Variants in NCKAP5 observed in about 807,000 individuals in gnomAD.
NCKAP5 encodes NCK associated protein 5.
In NCKAP5, 92 loss-of-function variants were observed where a neutral mutation model predicts 167.0. That is an observed-to-expected ratio of 0.55 (90% CI 0.47 to 0.66). The LOEUF is 0.66. Ranked by LOEUF, NCKAP5 falls within the 30% of genes least tolerant of loss-of-function variation. NCKAP5 has a pLI of 0.00. For missense variants in NCKAP5, 2,378 were observed against 2,315.0 expected (o/e 1.03, Z -0.56); for synonymous variants, 891 against 877.4 (o/e 1.02, Z -0.27).
chr2:133,612,595 G>A, the NCKAP5 span, among the ~76,000 whole-genome samples: 1 of 152,132 alleles, frequency 6.6e-6, no homozygotes, highest in Non-Finnish European at 1.5e-5. Context: ...AGATTTTATG[G>A]TGTTAAGTTC....
chr2:133,299,826 C>T (rs957963902), intron 4 of NCKAP5, among the ~76,000 whole-genome samples: 2 of 152,028 alleles, frequency 1.3e-5, no homozygotes, highest in Non-Finnish European at 2.9e-5. Context: ...AAAACAATTT[C>T]GGTACAATAT....
intron 8 of NCKAP5, among the ~76,000 whole-genome samples, chr2:132,895,712 G>GGCGC (rs1693132686): frequency 6.7e-6 from 1 of 149,580 alleles, no homozygotes; most frequent in African/African-American, 2.5e-5. Flanking sequence ...CACTACAAAA[G>GGCGC]AGACATCTGT....
intron 7 of NCKAP5, among the ~76,000 whole-genome samples, chr2:132,985,721 A>C (rs2149281690): frequency 6.6e-6 from 1 of 152,294 alleles, no homozygotes; most frequent in South Asian, 2.1e-4. Flanking sequence ...CAGCCCTTTA[A>C]ATCTTAACAC....
chr2:133,502,373 G>T (rs143502016), intron 3 of NCKAP5, among the ~76,000 whole-genome samples: 1 of 152,150 alleles, frequency 6.6e-6, no homozygotes, highest in African/African-American at 2.4e-5. Flanking sequence ...TTTCCAAGGG[G>T]CTGAAAGAGT....
At chr2:133,542,304 G>A (rs868457182) in intron 2 of NCKAP5, among the ~76,000 whole-genome samples, 1 of 151,978 alleles carries the variant, frequency 6.6e-6, no homozygotes, top group East Asian at 1.9e-4. Flanking sequence ...TTCTTCCACA[G>A]TACCATATTT....
intron 19 of NCKAP5, among the ~76,000 whole-genome samples, chr2:132,717,070 G>C (rs1035782407): frequency 6.6e-6 from 1 of 152,142 alleles, no homozygotes; most frequent in Non-Finnish European, 1.5e-5. Flanking sequence ...GATGAATAGT[G>C]ACTAAGAGAA....
rs1048101433 is a variant in NCKAP5 at position 133,143,224 on chromosome 2, T to G, written c.208-13113A>C. On this transcript the variant is annotated intron_variant, in intron 5 of 19. Transcript: ENST00000409261. ...GCACAAAGAAAATGGTTCCAATTAG[T>G]GAGAGTTACCTGCCATCTTAGTACC... 2.6e-5 allele frequency among the ~76,000 whole-genome samples: 4 copies of G among 152,102 alleles called. No individual in the cohort carries two copies. The East Asian group carries it at 7.7e-4, about 29-fold the overall frequency.
the NCKAP5 span, among the ~76,000 whole-genome samples, chr2:133,659,902 A>G: frequency 1.3e-5 from 2 of 152,212 alleles, no homozygotes; most frequent in African/African-American, 2.4e-5. Flanking sequence ...ATATATGCAT[A>G]TTATACATAT....
intron 16 of NCKAP5, among the ~76,000 whole-genome samples, chr2:132,751,028 C>A (rs918892077): frequency 6.6e-6 from 1 of 152,296 alleles, no homozygotes; most frequent in East Asian, 1.9e-4. Context: ...CTGAAAGACA[C>A]AGCTCAGCCC....
intron 4 of NCKAP5, among the ~76,000 whole-genome samples, chr2:133,234,082 T>C (rs1386883566): frequency 6.6e-6 from 1 of 152,034 alleles, no homozygotes; most frequent in Non-Finnish European, 1.5e-5. Flanking sequence ...TCATGAGAGC[T>C]TAAGGGAGGA....
At chr2:133,565,605 A>T (rs1440480969) in intron 1 of NCKAP5, among the ~76,000 whole-genome samples, 2 of 152,210 alleles carry the variant, frequency 1.3e-5, no homozygotes, top group African/African-American at 4.8e-5. Context: ...GACCCTGATT[A>T]GCCATCAGGC....
intron 3 of NCKAP5, among the ~76,000 whole-genome samples, chr2:133,349,808 T>C (rs1468952744): frequency 6.6e-6 from 1 of 152,194 alleles, no homozygotes; most frequent in Non-Finnish European, 1.5e-5. Context: ...TATTGTACCC[T>C]CAACTCTAGC....
intron 5 of NCKAP5, among the ~76,000 whole-genome samples, chr2:133,178,265 G>A (rs889483382): frequency 6.6e-6 from 1 of 151,978 alleles, no homozygotes; most frequent in Non-Finnish European, 1.5e-5. Flanking sequence ...TTGGGAGGCC[G>A]AGCAGGTGGA....
At chr2:133,221,808 T>C (rs1286695970) in intron 4 of NCKAP5, among the ~76,000 whole-genome samples, 1 of 152,192 alleles carries the variant, frequency 6.6e-6, no homozygotes, top group Non-Finnish European at 1.5e-5. Flanking sequence ...TCCTCACAAA[T>C]ATTTTAATTA....
intron 3 of NCKAP5, among the ~76,000 whole-genome samples, chr2:133,479,447 G>C (rs1680230744): frequency 6.6e-6 from 1 of 152,164 alleles, no homozygotes; most frequent in Non-Finnish European, 1.5e-5. Context: ...TGTCAAAACT[G>C]ATGTTTCTCC....
At position 132,770,846 on chromosome 2, in the gene NCKAP5, T is replaced by C. The variant is rs1473863261; in HGVS notation, c.5128+2970A>G. Among the ~76,000 whole-genome samples the C allele has an allele frequency of 2.0e-5, 3 of 152,276 alleles. No individual in the cohort carries two copies. The East Asian group carries it at 5.8e-4, about 29-fold the overall frequency. On this transcript the variant is annotated intron_variant, in intron 16 of 19. Coordinates refer to ENST00000409261, the MANE Select transcript of NCKAP5 (RefSeq NM_207363.3). ...TTAAGATTATAATGAAGCTGAAAAA[T>C]TCCTATTGCCTAGTGACGTCGTAGT...
intron 3 of NCKAP5, among the ~76,000 whole-genome samples, chr2:133,366,329 G>GTC (rs1212413374): frequency 6.6e-6 from 1 of 152,142 alleles, no homozygotes; most frequent in Non-Finnish European, 1.5e-5. Context: ...TTAAGACAGA[G>GTC]TCTTGCTCTG....
chr2:132,728,735 C>A, intron 18 of NCKAP5, 81 bp downstream of exon 18: 1 of 1,540,772 alleles, frequency 6.5e-7, no homozygotes, highest in South Asian at 1.2e-5. Context: ...TGAAATCTAT[C>A]ATAAAAGTGT....
intron 8 of NCKAP5, among the ~76,000 whole-genome samples, chr2:132,895,642 A>AG (rs1693127921): frequency 3.9e-5 from 6 of 152,044 alleles, no homozygotes; most frequent in South Asian, 4.1e-4. Context: ...GCTGATGATT[A>AG]CTATGTGCTA....
Sources: gnomAD v4.1 joint callset for allele counts (sites outside exome capture counted in the v4.1 genomes callset) on GRCh38, gnomAD v4.1.1 for gene constraint, MANE v1.5 for transcripts, NCBI Gene and HGNC (gene_info 2026-07-23, HGNC 2026-07-21) for gene names.